The following TSHZ2 variants were observed in gnomAD, a reference collection of about 807,000 sequenced individuals.
TSHZ2 encodes teashirt zinc finger homeobox 2, also known as teashirt homolog 2.
Under a neutral mutation model 74.4 loss-of-function variants are expected in TSHZ2, and 21 were observed. That is an observed-to-expected ratio of 0.28 (90% CI 0.20 to 0.41). TSHZ2 has a LOEUF of 0.41. Ranked by LOEUF, TSHZ2 falls within the 10% of genes least tolerant of loss-of-function variation. The pLI, the probability that TSHZ2 is intolerant of heterozygous loss-of-function variation, is 1.00. For synonymous variants in TSHZ2, 540 were observed against 515.3 expected (o/e 1.05, Z -0.65); for missense variants, 1,244 against 1,293.5 (o/e 0.96, Z 0.59).
intron 1 of TSHZ2, among the ~76,000 whole-genome samples, chr20:53,224,765 G>T (rs1035894367): frequency 1.3e-5 from 2 of 151,234 alleles, no homozygotes; most frequent in Non-Finnish European, 2.9e-5. Context: ...CAGGAGAATT[G>T]CTTGAACTTG....
chr20:53,045,494 GGGC>G (rs750144237), intron 1 of TSHZ2, among the ~76,000 whole-genome samples: 13 of 152,156 alleles, frequency 8.5e-5, no homozygotes, highest in Non-Finnish European at 1.8e-4. Context: ...GTAGGAAAGG[GGGC>G]ACTCACGAAT....
intron 1 of TSHZ2, among the ~76,000 whole-genome samples, chr20:53,012,317 G>A (rs759904733): frequency 6.6e-6 from 1 of 151,942 alleles, no homozygotes; most frequent in African/African-American, 2.4e-5. Flanking sequence ...GCCACCAATC[G>A]GCCTTCTCTG....
chr20:53,057,465 G>T (rs561121480), intron 1 of TSHZ2, among the ~76,000 whole-genome samples: 1 of 151,974 alleles, frequency 6.6e-6, no homozygotes, highest in Non-Finnish European at 1.5e-5. Flanking sequence ...TAATAAGCCT[G>T]TTAAAATGCA....
intron 2 of TSHZ2, among the ~76,000 whole-genome samples, chr20:53,331,666 G>A (rs1214886906): frequency 1.3e-5 from 2 of 152,130 alleles, no homozygotes; most frequent in African/African-American, 4.8e-5. Flanking sequence ...GCCAGATGAT[G>A]AATATTCACT....
At chr20:53,167,653 C>T (rs910269543) in intron 1 of TSHZ2, among the ~76,000 whole-genome samples, 2 of 152,010 alleles carry the variant, frequency 1.3e-5, no homozygotes, top group East Asian at 3.9e-4. Flanking sequence ...AATTGGATGG[C>T]AGTTTAATTC....
At chr20:53,419,817 C>G (rs1568909399) in intron 2 of TSHZ2, among the ~76,000 whole-genome samples, 1 of 152,212 alleles carries the variant, frequency 6.6e-6, no homozygotes, top group Non-Finnish European at 1.5e-5. Context: ...GCAGAAGGGG[C>G]AGCTCATTCT....
intron 2 of TSHZ2, among the ~76,000 whole-genome samples, chr20:53,444,210 C>T (rs1033957459): frequency 6.6e-6 from 1 of 152,190 alleles, no homozygotes; most frequent in Non-Finnish European, 1.5e-5. Flanking sequence ...ATTCTGAGCT[C>T]TGTTTGCTGA....
intron 2 of TSHZ2, among the ~76,000 whole-genome samples, chr20:53,306,433 G>C (rs1490760907): frequency 6.6e-6 from 1 of 152,140 alleles, no homozygotes; most frequent in East Asian, 1.9e-4. Context: ...GCTGGAGGTG[G>C]TGTTTGCTCT....
chr20:52,986,864 T>C (rs1455211718), intron 1 of TSHZ2, among the ~76,000 whole-genome samples: 1 of 152,184 alleles, frequency 6.6e-6, no homozygotes, highest in East Asian at 1.9e-4. Flanking sequence ...AAAGAAGGAA[T>C]GGTTTTAAAG....
At chr20:53,132,033 G>A (rs1390659362) in intron 1 of TSHZ2, among the ~76,000 whole-genome samples, 1 of 152,098 alleles carries the variant, frequency 6.6e-6, no homozygotes, top group Admixed American at 6.5e-5. Context: ...GTAGCCAGGA[G>A]CACCCTGGCT....
At chr20:53,185,544 C>T (rs1164548395) in intron 1 of TSHZ2, 1 of 1,443,114 alleles carries the variant, frequency 6.9e-7, no homozygotes, top group African/African-American at 1.4e-5. Context: ...AACTGGGACC[C>T]AGGAGGCAGA....
intron 1 of TSHZ2, among the ~76,000 whole-genome samples, chr20:53,189,647 C>T (rs935602134): frequency 6.6e-6 from 1 of 152,080 alleles, no homozygotes; most frequent in African/African-American, 2.4e-5. Flanking sequence ...GTAAGAGCCA[C>T]GTGAGCAGAG....
intron 1 of TSHZ2, among the ~76,000 whole-genome samples, chr20:53,209,174 G>A (rs1251495531): frequency 5.9e-5 from 9 of 152,076 alleles, no homozygotes; most frequent in South Asian, 2.1e-4. Context: ...TGCAATCTCC[G>A]TCTCCAAGGT....
chr20:53,001,234 G>GTGTATGTGTGTGTGTGTGTGTGTA lies in TSHZ2; in HGVS notation c.40+27904_40+27905insATGTGTGTGTGTGTGTGTGTATGT, dbSNP rs1555813635. Reference sequence around the variant, plus strand: ...TGTGTGTGTGTGTGTGTGTGTGTGTGTGTGTGTGTGTGTGTGTGTGTTTGG... The same window carrying GTGTATGTGTGTGTGTGTGTGTGTA: ...TGTGTGTGTGTGTGTGTGTGTGTGTGTGTATGTGTGTGTGTGTGTGTGTATGTGTGTGTGTGTGTGTGTGTTTGG... On this transcript the variant is annotated intron_variant, in intron 1 of 2. Coordinates refer to ENST00000371497, the MANE Select transcript of TSHZ2 (RefSeq NM_173485.6). 7.6e-4 allele frequency among the ~76,000 whole-genome samples: 104 copies of GTGTATGTGTGTGTGTGTGTGTGTA among 137,726 alleles called. No homozygotes were observed. The Middle Eastern group carries it at 0.011, about 14-fold the overall frequency. 90.4% of individuals were successfully genotyped at this position (137,726 alleles called of 152,430 possible). A position where few individuals can be genotyped will look rare whatever the true frequency, so the allele number is the denominator to read the frequency against.
At position 53,190,441 on chromosome 20, in the gene TSHZ2, G is replaced by A. The variant is rs531756126; in HGVS notation, c.41-63058G>A. Among the ~76,000 whole-genome samples the A allele has an allele frequency of 7.9e-5, 12 of 152,004 alleles. No homozygotes were observed. In the East Asian group the frequency reaches 1.8e-3, roughly 22 times the overall value. ...TCTAGTGGTTCTAATGATGCAGGGC[G>A]AGGGTGCCTCTTGCTCCTGGGCAGA... On this transcript the variant is annotated intron_variant, in intron 1 of 2. Transcript: ENST00000371497.
chr20:53,239,078 T>C (rs183658360), intron 1 of TSHZ2, among the ~76,000 whole-genome samples: 1 of 152,220 alleles, frequency 6.6e-6, no homozygotes, highest in East Asian at 1.9e-4. Context: ...CAGATAAGTC[T>C]CTGTATTTGT....
chr20:52,988,597 A>G (rs1044422993), intron 1 of TSHZ2, among the ~76,000 whole-genome samples: 7 of 152,204 alleles, frequency 4.6e-5, no homozygotes, highest in Admixed American at 3.3e-4. Context: ...TGTAGAAAAA[A>G]AAAAAAAAGA....
At chr20:53,114,627 G>GT (rs1006760986) in intron 1 of TSHZ2, among the ~76,000 whole-genome samples, 2 of 151,982 alleles carry the variant, frequency 1.3e-5, no homozygotes, top group African/African-American at 4.8e-5. Context: ...TTGTTGGTGT[G>GT]TTGGTGCTGT....
chr20:53,261,583 A>G (rs1990601781), intron 2 of TSHZ2, among the ~76,000 whole-genome samples: 1 of 152,218 alleles, frequency 6.6e-6, no homozygotes, highest in South Asian at 2.1e-4. Flanking sequence ...CATTTTTTCA[A>G]AAATATTTGG....
Sources: gnomAD v4.1 joint callset for allele counts (sites outside exome capture counted in the v4.1 genomes callset) on GRCh38, gnomAD v4.1.1 for gene constraint, MANE v1.5 for transcripts, NCBI Gene and HGNC (gene_info 2026-07-23, HGNC 2026-07-21) for gene names.